Variants in KIF18A observed in about 807,000 individuals in gnomAD.
The protein encoded by KIF18A is kinesin family member 18A, also known as kinesin-like protein KIF18A.
Under a neutral mutation model 103.3 loss-of-function variants are expected in KIF18A, and 67 were observed. That is an observed-to-expected ratio of 0.65 (90% CI 0.53 to 0.79). The LOEUF is 0.79. Among genes scored for constraint, KIF18A ranks in the 30% least tolerant of loss-of-function variants. KIF18A has a pLI of 0.00. For missense variants in KIF18A, 1,032 were observed against 1,062.5 expected (o/e 0.97, Z 0.40); for synonymous variants, 367 against 355.5 (o/e 1.03, Z -0.36).
chr11:28,090,383 C>G (rs1001696763), intron 5 of KIF18A, among the ~76,000 whole-genome samples: 2 of 152,104 alleles, frequency 1.3e-5, no homozygotes, highest in African/African-American at 4.8e-5. Flanking sequence ...ACTTTTATTA[C>G]TACAACTTTA....
chr11:28,052,101 C>A (rs1236773823), intron 13 of KIF18A, among the ~76,000 whole-genome samples: 2 of 152,088 alleles, frequency 1.3e-5, no homozygotes, highest in African/African-American at 4.8e-5. Flanking sequence ...AATCTGACCA[C>A]TTCTCACCAG....
chr11:28,031,631 G>A (rs1565069767), intron 15 of KIF18A, among the ~76,000 whole-genome samples: 2 of 149,134 alleles, frequency 1.3e-5, no homozygotes, highest in Admixed American at 6.8e-5. Flanking sequence ...GTATACATAT[G>A]TAACAAACCT....
At chr11:28,076,348 C>G (rs2133546165) in intron 10 of KIF18A, 3 of 152,306 alleles carry the variant, frequency 2.0e-5, no homozygotes, top group African/African-American at 7.2e-5. Context: ...CTACTGCCTG[C>G]ATCCAGGATA....
chr11:28,082,562 T>C (rs2133552365), intron 9 of KIF18A, among the ~76,000 whole-genome samples: 1 of 152,276 alleles, frequency 6.6e-6, no homozygotes, highest in Admixed American at 6.5e-5. Flanking sequence ...GCACACTTAA[T>C]AGACTATAGT....
intron 6 of KIF18A, among the ~76,000 whole-genome samples, chr11:28,087,788 C>T (rs1219884701): frequency 2.0e-5 from 3 of 152,096 alleles, no homozygotes; most frequent in East Asian, 1.9e-4. Context: ...TTCTAACTGG[C>T]ATGAGATGGT....
At chr11:28,095,099 C>G (rs768468355) in intron 2 of KIF18A, among the ~76,000 whole-genome samples, 1 of 152,144 alleles carries the variant, frequency 6.6e-6, no homozygotes, top group Non-Finnish European at 1.5e-5. Flanking sequence ...CTTCTTTATC[C>G]TTTGCAATTT....
At chr11:28,029,523 C>T (rs1028400061) in intron 15 of KIF18A, among the ~76,000 whole-genome samples, 3 of 151,920 alleles carry the variant, frequency 2.0e-5, no homozygotes, top group East Asian at 1.9e-4. Flanking sequence ...ATTGATGGGA[C>T]GTATCTCAAA....
chr11:28,069,395 G>A lies in KIF18A; in HGVS notation c.1454C>T (p.Ala485Val), dbSNP rs769459111. 5 of 1,613,322 alleles carry A rather than the reference G, an allele frequency of 3.1e-6. No individual in the cohort carries two copies. Among genetic ancestry groups the A allele is most frequent in the Non-Finnish European group, 4.2e-6 (5 of 1,179,686 alleles). ...KATGKRDHRL[A>V]MLKTRRSYLE... is the part of the protein sequence containing the mutation. ...GTAGGAGCGACGAGTTTTCAACATT[G>A]CAAGTCTATGATCTCGTTTTCCAGT... is the stretch of plus-strand genomic sequence containing the variant. Residue 485 changes from alanine to valine, a missense_variant, in exon 11 of 17, where the codon GCA becomes GTA. Physicochemically the swap from Ala to Val is moderately conservative, Grantham distance 64. Coordinates refer to ENST00000263181, the MANE Select transcript of KIF18A (RefSeq NM_031217.4).
intron 10 of KIF18A, 72 bp downstream of exon 10, chr11:28,076,935 G>GAGA (rs1851100374): frequency 6.8e-6 from 2 of 295,312 alleles, no homozygotes; most frequent in East Asian, 2.3e-4. Context: ...GACTCCTTCT[G>GAGA]AAAAAAAAAA....
At chr11:28,037,570 C>A (rs1850509656) in intron 13 of KIF18A, among the ~76,000 whole-genome samples, 1 of 151,446 alleles carries the variant, frequency 6.6e-6, no homozygotes, top group South Asian at 2.1e-4. Flanking sequence ...CTGGAATCAA[C>A]TTGCCTGTCC....
At chr11:28,047,154 A>C (rs1850647490) in intron 13 of KIF18A, among the ~76,000 whole-genome samples, 1 of 151,946 alleles carries the variant, frequency 6.6e-6, no homozygotes. Flanking sequence ...AAAACAGAAA[A>C]ATCCCCAGTA....
chr11:28,029,463 T>C (rs1590660908), intron 15 of KIF18A, among the ~76,000 whole-genome samples: 1 of 152,114 alleles, frequency 6.6e-6, no homozygotes, highest in Admixed American at 6.6e-5. Context: ...GAAAAGGCCT[T>C]TGACAAAATT....
intron 10 of KIF18A, among the ~76,000 whole-genome samples, chr11:28,074,615 A>G (rs1475771927): frequency 6.6e-6 from 1 of 152,154 alleles, no homozygotes; most frequent in Admixed American, 6.5e-5. Flanking sequence ...TTTATGATTA[A>G]TTTCCGGTAC....
At chr11:28,028,372 A>G (rs1199811121) in intron 15 of KIF18A, among the ~76,000 whole-genome samples, 1 of 152,052 alleles carries the variant, frequency 6.6e-6, no homozygotes, top group African/African-American at 2.4e-5. Context: ...GGATTAAGAC[A>G]CTCACTCAAA....
intron 10 of KIF18A, among the ~76,000 whole-genome samples, chr11:28,072,527 T>C (rs1389110660): frequency 6.6e-6 from 1 of 152,146 alleles, no homozygotes; most frequent in African/African-American, 2.4e-5. Flanking sequence ...ATACTACAGT[T>C]TGACACTTCT....
At position 28,036,655 on chromosome 11, in the gene KIF18A, G is replaced by A. The variant is rs1239068552; in HGVS notation, c.1958C>T (p.Ser653Leu). ...AATCTTAACCAGATTAGTTCCACCT[G>A]AAGATGAGCCTATTCAAAAAAATAA... is the stretch of plus-strand genomic sequence containing the variant. ...PVQPIPCCSS[S>L]GGTNLVKIPT... The change falls in exon 14 of 17, where the codon TCA becomes TTA. Residue 653 changes from serine (S) to leucine (L), a missense_variant. Physicochemically the swap from Ser to Leu is moderately radical, Grantham distance 145. Transcript: ENST00000263181. 1 of 1,582,600 alleles carries A rather than the reference G, an allele frequency of 6.3e-7. No individual in the cohort carries two copies. Among genetic ancestry groups the A allele is most frequent in the Non-Finnish European group, 8.6e-7 (1 of 1,161,736 alleles).
chr11:28,051,294 A>G (rs1413303695), intron 13 of KIF18A, among the ~76,000 whole-genome samples: 1 of 151,916 alleles, frequency 6.6e-6, no homozygotes, highest in Non-Finnish European at 1.5e-5. Context: ...AAAACTATAA[A>G]GTATCACATA....
At chr11:28,058,803 A>T in intron 13 of KIF18A, 123 bp downstream of exon 13, 1 of 717,024 alleles carries the variant, frequency 1.4e-6, no homozygotes, top group South Asian at 1.9e-5. Flanking sequence ...TATAAAGCTA[A>T]TTTTCCCATT....
chr11:28,099,063 T>C (rs893262860), intron 1 of KIF18A, among the ~76,000 whole-genome samples: 3 of 152,102 alleles, frequency 2.0e-5, no homozygotes, highest in African/African-American at 7.2e-5. Flanking sequence ...TTATTCACAA[T>C]AACTAAGATA....
Sources: gnomAD v4.1 joint callset for allele counts (sites outside exome capture counted in the v4.1 genomes callset) on GRCh38, gnomAD v4.1.1 for gene constraint, MANE v1.5 for transcripts, NCBI Gene and HGNC (gene_info 2026-07-23, HGNC 2026-07-21) for gene names.